The following USB1 variants were observed in gnomAD, a reference collection of about 807,000 sequenced individuals.
The protein encoded by USB1 is U6 snRNA biogenesis phosphodiesterase 1, also known as U6 snRNA phosphodiesterase 1.
In USB1, 21 loss-of-function variants were observed where a neutral mutation model predicts 29.9. The observed-to-expected ratio is 0.70, with a 90% CI of 0.50 to 1.01. The LOEUF (loss-of-function observed/expected upper bound fraction) is 1.01, where lower values mean the gene tolerates loss of function less well. Among genes scored for constraint, USB1 ranks in the 50% least tolerant of loss-of-function variants. The pLI, the probability that USB1 is intolerant of heterozygous loss-of-function variation, is 0.00. For missense variants in USB1, 330 were observed against 347.1 expected, an observed-to-expected ratio of 0.95 and a Z score of 0.39; for synonymous variants, 143 against 134.9, an observed-to-expected ratio of 1.06 and a Z score of -0.42.
In USB1 at chr16:58,012,367, A is replaced by G. The variant is rs1175630439; in HGVS notation, c.450-1906A>G. ...AGCCCAACCCAAAGTGGCTTAAACC[A>G]AAGAGAAATTTATAGGCTGGTATAA... is the stretch of plus-strand genomic sequence containing the variant. On this transcript the variant is annotated intron_variant, in intron 3 of 6. Transcript: ENST00000219281. 13 of 1,516,496 alleles carry G rather than the reference A, an allele frequency of 8.6e-6. No individual in the cohort carries two copies. The Admixed American group carries it at 2.6e-4, about 30-fold the overall frequency. 93.9% of individuals were successfully genotyped at this position (1,516,496 alleles called of 1,614,324 possible).
At chr16:58,001,730 G>A in intron 1 of USB1, 149 bp downstream of exon 1, 2 of 987,232 alleles carry the variant, frequency 2.0e-6, no homozygotes, top group Non-Finnish European at 3.1e-6. Flanking sequence ...GGATCCAGAA[G>A]ATATACCCCT....
rs755207534 is a variant in USB1, at chr16:58,001,435, C to G, written c.-49C>G. Reference sequence around the variant, plus strand: ...TCCGGCACAGCGGAACTCCGGGTGCCGGTTGAGGTTGCTGGTGGACCTGCT... The same window carrying G: ...TCCGGCACAGCGGAACTCCGGGTGCGGGTTGAGGTTGCTGGTGGACCTGCT... On this transcript the variant is annotated 5_prime_UTR_variant, in exon 1 of 7. Coordinates refer to ENST00000219281, the MANE Select transcript of USB1 (RefSeq NM_024598.4). 3.2e-6 allele frequency: 5 copies of G among 1,557,892 alleles called. No homozygotes were observed. Among genetic ancestry groups the G allele is most frequent in the South Asian group, 1.2e-5 (1 of 84,826 alleles).
rs749283271 is a variant in USB1 at position 58,020,563 on chromosome 16, TCTCTTCCTCTC to T, written c.*323_*333del. ...TCCCCTCCTGTCTCTCCTCCCCTCC[TCTCTTCCTCTC>T]CTCTCTCTTCCTCTCCTCTCTCTAC... On this transcript the variant is annotated 3_prime_UTR_variant, in exon 7 of 7. Coordinates refer to ENST00000219281, the MANE Select transcript of USB1 (RefSeq NM_024598.4). The T allele has an allele frequency of 5.1e-4, 200 of 391,328 alleles. 2 individuals are homozygous for T. The highest frequency in any genetic ancestry group is 1.5e-3 in the Middle Eastern group (2 of 1,320). 24.2% of individuals were successfully genotyped at this position (391,328 alleles called of 1,614,324 possible).
chr16:58,010,593 T>G (rs902038871), intron 3 of USB1: 6 of 237,560 alleles, frequency 2.5e-5, no homozygotes, highest in South Asian at 5.4e-5. Context: ...TCTGTCTGAT[T>G]TCACTACAAA....
chr16:58,017,350 G>C lies in USB1; in HGVS notation c.520G>C (p.Glu174Gln), dbSNP rs768341871. ...QEKTRTFIGLEVTSGHAQFLD... is the reference protein window; with the variant it reads ...QEKTRTFIGLQVTSGHAQFLD... ...TCTCCCCAGGACCTTTATTGGGCTT[G>C]AGGTCACTTCAGGGCATGCCCAGTT... is the stretch of plus-strand genomic sequence containing the variant. Residue 174 changes from glutamate to glutamine, a missense_variant, in exon 5 of 7, where the codon GAG becomes CAG. By Grantham distance (29) the Glu-to-Gln change is conservative (BLOSUM62 2). Coordinates refer to ENST00000219281, the MANE Select transcript of USB1 (RefSeq NM_024598.4). 3.1e-6 allele frequency: 5 copies of C among 1,614,058 alleles called. No individual in the cohort carries two copies. The African/African-American group carries it at 6.7e-5, about 22-fold the overall frequency.
Position 58,008,930 on chromosome 16 carries a change from A to G in USB1, c.266-999A>G, listed in dbSNP as rs538102240. Among the ~76,000 whole-genome samples the G allele has an allele frequency of 3.9e-5, 6 of 152,260 alleles. No homozygotes were observed. In the South Asian group the frequency reaches 1.2e-3, roughly 32 times the overall value. On this transcript the variant is annotated intron_variant, in intron 2 of 6. Coordinates refer to ENST00000219281, the MANE Select transcript of USB1 (RefSeq NM_024598.4). ...GTGTTATTTAGAAGTGTGTTTTTTAATCTCCAAGTATTTGGGGATTTTCCA... is the reference window on the plus strand; with the variant it reads ...GTGTTATTTAGAAGTGTGTTTTTTAGTCTCCAAGTATTTGGGGATTTTCCA...
intron 2 of USB1, among the ~76,000 whole-genome samples, chr16:58,009,288 C>A (rs1008220177): frequency 2.0e-5 from 3 of 152,128 alleles, no homozygotes; most frequent in African/African-American, 7.2e-5. Flanking sequence ...AGAATTTTCC[C>A]CTTCCTAGGT....
At chr16:58,000,059 C>T (rs42217), upstream of USB1, among the ~76,000 whole-genome samples, 1 of 152,188 alleles carries the variant, frequency 6.6e-6, no homozygotes, top group Non-Finnish European at 1.5e-5. This position sits in a 1 kb window ranked among gnomAD's most constrained non-coding sequence, Gnocchi z 4.5. Context: ...CACCCCGTCT[C>T]TTCTTCCTCC....
intron 4 of USB1, among the ~76,000 whole-genome samples, chr16:58,014,910 C>T (rs1963580019): frequency 6.6e-6 from 1 of 151,956 alleles, no homozygotes; most frequent in African/African-American, 2.4e-5. Context: ...AACCCCATCT[C>T]CACTAAAAAT....
At chr16:58,011,045 T>G in intron 3 of USB1, 1 of 745,336 alleles carries the variant, frequency 1.3e-6, no homozygotes, top group South Asian at 1.5e-5. Context: ...ATTGCCTCAT[T>G]GGAACCAAAG....
At position 58,010,876 on chromosome 16, in the gene USB1, T is replaced by C. The variant is rs1277610252; in HGVS notation, c.449+764T>C. ...AAGGGAAGCTCCTCAAACCCTGTAG[T>C]TCCAAATTTTTACGGAGGCTTCATC... On this transcript the variant is annotated intron_variant, in intron 3 of 6. Transcript: ENST00000219281. 4 of 640,066 alleles carry C rather than the reference T, an allele frequency of 6.2e-6. No individual in the cohort carries two copies. The African/African-American group carries it at 7.3e-5, about 12-fold the overall frequency. 39.6% of individuals were successfully genotyped at this position (640,066 alleles called of 1,614,324 possible).
At chr16:58,000,550 G>T (rs957367781), upstream of USB1, 1 of 150,210 alleles carries the variant, frequency 6.7e-6, no homozygotes, top group Non-Finnish European at 1.5e-5. The surrounding 1 kb of genome is among the most constrained non-coding windows in gnomAD (Gnocchi z 4.5). Context: ...CCGGACCGGG[G>T]GCGGGGGACG....
intron 2 of USB1, among the ~76,000 whole-genome samples, chr16:58,005,708 C>T (rs1394620080): frequency 6.6e-6 from 1 of 152,214 alleles, no homozygotes; most frequent in Non-Finnish European, 1.5e-5. Flanking sequence ...TGCCCTCGGT[C>T]TCTTGCCTCG....
chr16:58,006,305 T>C (rs1202518590), intron 2 of USB1, among the ~76,000 whole-genome samples: 1 of 137,178 alleles, frequency 7.3e-6, no homozygotes, highest in Non-Finnish European at 1.5e-5. Flanking sequence ...TGAGCCAAGA[T>C]TGCACCATTG....
chr16:58,015,936 GT>G (rs1963605087), intron 4 of USB1: 1 of 152,314 alleles, frequency 6.6e-6, no homozygotes, highest in South Asian at 2.1e-4. Flanking sequence ...CAAGTAAGGA[GT>G]TTGAATTTTC....
intron 2 of USB1, among the ~76,000 whole-genome samples, chr16:58,005,391 A>G (rs961137425): frequency 3.3e-5 from 5 of 152,128 alleles, no homozygotes; most frequent in African/African-American, 1.2e-4. Flanking sequence ...CCACTTGGCA[A>G]TGGGCATCTT....
Position 58,013,429 on chromosome 16 carries a change from G to A in USB1, c.450-844G>A. 1.0e-6 allele frequency: 1 copy of A among 985,458 alleles called. No individual in the cohort carries two copies. Among genetic ancestry groups the A allele is most frequent in the Non-Finnish European group, 1.2e-6 (1 of 829,968 alleles). 61.0% of individuals were successfully genotyped at this position (985,458 alleles called of 1,614,324 possible). ...TCTACCCAGCATGCTGGTATATTAT[G>A]TTCCCTCAGATGGGGGTGAGACCCT... On this transcript the variant is annotated intron_variant, in intron 3 of 6. Coordinates refer to ENST00000219281, the MANE Select transcript of USB1 (RefSeq NM_024598.4). The surrounding 1 kb of genome is among the most constrained non-coding windows in gnomAD (Gnocchi z 4.3).
In USB1 at chr16:58,013,243, C is replaced by T. The variant is rs1597052195; in HGVS notation, c.450-1030C>T. 8.1e-6 allele frequency: 8 copies of T among 985,428 alleles called. No individual in the cohort carries two copies. Among genetic ancestry groups the T allele is most frequent in the Non-Finnish European group, 9.6e-6 (8 of 829,964 alleles). 61.0% of individuals were successfully genotyped at this position (985,428 alleles called of 1,614,324 possible). A position where few individuals can be genotyped will look rare whatever the true frequency, so the allele number is the denominator to read the frequency against. On this transcript the variant is annotated intron_variant, in intron 3 of 6. Transcript: ENST00000219281. This position sits in a 1 kb window ranked among gnomAD's most constrained non-coding sequence, Gnocchi z 4.3. ...CAGGAGAAGGAGTTTTGGTTGGGCA[C>T]AGACATCCAGTGTCCACTCCAGGAT...
At chr16:58,000,707 G>C (rs1159526005), upstream of USB1, among the ~76,000 whole-genome samples, 10 of 150,558 alleles carry the variant, frequency 6.6e-5, no homozygotes, top group African/African-American at 2.4e-4. This position sits in a 1 kb window ranked among gnomAD's most constrained non-coding sequence, Gnocchi z 4.5. Flanking sequence ...AGGGAGGCGG[G>C]GCCGGGGGAG....
Sources: allele counts gnomAD v4.1 joint callset (sites outside exome capture counted in the v4.1 genomes callset), GRCh38; gene constraint gnomAD v4.1.1; non-coding constraint Gnocchi (gnomAD v3.1); transcripts MANE v1.5; gene names NCBI Gene and HGNC (gene_info 2026-07-23, HGNC 2026-07-21).